ZNF385D: variants seen among roughly 807,000 people sequenced by gnomAD.
ZNF385D encodes the protein zinc finger protein 385D, also known as zinc finger protein 659.
In ZNF385D, 15 loss-of-function variants were observed where a neutral mutation model predicts 35.8. The observed-to-expected ratio is 0.42, with a 90% CI of 0.28 to 0.64. The LOEUF (loss-of-function observed/expected upper bound fraction) is 0.64. ZNF385D is among the 30% of genes least tolerant of loss of function. The pLI, the probability that ZNF385D is intolerant of heterozygous loss-of-function variation, is 0.23. For synonymous variants in ZNF385D, 212 were observed against 186.8 expected, an observed-to-expected ratio of 1.13 and a Z score of -1.10; for missense variants, 474 against 494.6, an observed-to-expected ratio of 0.96 and a Z score of 0.39.
At chr3:22,194,046 GTTTT>G (rs1478484157) in intron 2 of ZNF385D, among the ~76,000 whole-genome samples, 5 of 151,808 alleles carry the variant, frequency 3.3e-5, no homozygotes, top group African/African-American at 9.7e-5. Flanking sequence ...TTCTCTGTAT[GTTTT>G]ATTAGAATTT....
intron 1 of ZNF385D, among the ~76,000 whole-genome samples, chr3:21,676,552 C>A (rs2066735834): frequency 6.6e-6 from 1 of 152,074 alleles, no homozygotes; most frequent in Non-Finnish European, 1.5e-5. Context: ...AAGATCCACA[C>A]AACCATATTT....
At chr3:22,217,961 C>T (rs1228789971) in intron 2 of ZNF385D, among the ~76,000 whole-genome samples, 1 of 152,098 alleles carries the variant, frequency 6.6e-6, no homozygotes, top group Non-Finnish European at 1.5e-5. Context: ...ATTCACCGTC[C>T]TTTTATGGTT....
chr3:21,977,226 T>C (rs1043018302), intron 3 of ZNF385D, among the ~76,000 whole-genome samples: 1 of 152,182 alleles, frequency 6.6e-6, no homozygotes, highest in Admixed American at 6.5e-5. Flanking sequence ...TTTGACTTAA[T>C]GGTAGTCACA....
At chr3:22,041,336 C>A (rs1008829134) in intron 3 of ZNF385D, among the ~76,000 whole-genome samples, 1 of 151,962 alleles carries the variant, frequency 6.6e-6, no homozygotes, top group Non-Finnish European at 1.5e-5. Context: ...GATCCCATGC[C>A]CACCCCAGAG....
At chr3:21,865,991 GATTAT>G (rs1697329017) in intron 3 of ZNF385D, among the ~76,000 whole-genome samples, 1 of 151,588 alleles carries the variant, frequency 6.6e-6, no homozygotes, top group African/African-American at 2.4e-5. Context: ...GGAAATACTA[GATTAT>G]ATTATCATTT....
At chr3:22,092,273 A>G (rs968943634) in intron 3 of ZNF385D, among the ~76,000 whole-genome samples, 5 of 152,140 alleles carry the variant, frequency 3.3e-5, no homozygotes, top group Admixed American at 6.6e-5. Context: ...CTAAGGGGGA[A>G]ATTGAAGGAT....
At chr3:21,805,922 G>C (rs1431076220) in intron 3 of ZNF385D, among the ~76,000 whole-genome samples, 2 of 152,154 alleles carry the variant, frequency 1.3e-5, no homozygotes, top group Non-Finnish European at 2.9e-5. Context: ...CTACTTACCT[G>C]CAATAGACTA....
chr3:22,154,590 T>C (rs1234955217), intron 3 of ZNF385D, among the ~76,000 whole-genome samples: 2 of 152,184 alleles, frequency 1.3e-5, no homozygotes, highest in African/African-American at 4.8e-5. Context: ...CTAAATGAGG[T>C]ATGAGCCATA....
intron 3 of ZNF385D, among the ~76,000 whole-genome samples, chr3:21,789,250 C>T (rs17621887): frequency 0.072 from 10,878 of 152,134 alleles, 548 homozygotes; most frequent in South Asian, 0.12. Flanking sequence ...GTGTGGCATT[C>T]TAATTTAGAA....
chr3:21,923,989 G>C (rs1700602264), intron 3 of ZNF385D, among the ~76,000 whole-genome samples: 1 of 152,126 alleles, frequency 6.6e-6, no homozygotes, highest in Non-Finnish European at 1.5e-5. Flanking sequence ...AGTAAAATGT[G>C]AATGCTGAAA....
chr3:21,642,477 A>T (rs1353127292), intron 2 of ZNF385D, among the ~76,000 whole-genome samples: 1 of 152,018 alleles, frequency 6.6e-6, no homozygotes, highest in Non-Finnish European at 1.5e-5. Context: ...CTTTTAGGCA[A>T]TGTCCTTCCA....
intron 3 of ZNF385D, among the ~76,000 whole-genome samples, chr3:21,992,422 T>C (rs1435935574): frequency 6.6e-6 from 1 of 152,136 alleles, no homozygotes; most frequent in African/African-American, 2.4e-5. Context: ...TTCTGTGAGT[T>C]AGAAGCAAAA....
chr3:22,040,794 C>CTAGACTAGAATTTCAAATACAA (rs1698619335), intron 3 of ZNF385D, among the ~76,000 whole-genome samples: 1 of 152,004 alleles, frequency 6.6e-6, no homozygotes, highest in Non-Finnish European at 1.5e-5. Context: ...AATACATTGA[C>CTAGACTAGAATTTCAAATACAA]AGACTAGAAA....
intron 2 of ZNF385D, among the ~76,000 whole-genome samples, chr3:21,656,143 T>A (rs2066065511): frequency 6.6e-6 from 1 of 151,942 alleles, no homozygotes. Flanking sequence ...TGTAGGCCTA[T>A]ATACTTTCAC....
At chr3:22,151,116 T>A (rs756545687) in intron 3 of ZNF385D, among the ~76,000 whole-genome samples, 7 of 152,162 alleles carry the variant, frequency 4.6e-5, no homozygotes, top group Non-Finnish European at 7.4e-5. Flanking sequence ...TCTTCCCTTA[T>A]GCCATGGAGA....
intron 4 of ZNF385D, among the ~76,000 whole-genome samples, chr3:21,486,477 T>C (rs1476143899): frequency 6.6e-6 from 1 of 152,098 alleles, no homozygotes; most frequent in East Asian, 1.9e-4. Context: ...TTTCTCTGAA[T>C]AGGATGCCAT....
intron 3 of ZNF385D, among the ~76,000 whole-genome samples, chr3:22,143,017 T>TAA (rs112706471): frequency 3.0e-5 from 4 of 132,658 alleles, no homozygotes; most frequent in African/African-American, 1.3e-4. Context: ...ACAATAATAA[T>TAA]AAAAAAAAAA....
chr3:21,621,963 T>A (rs971069505), intron 2 of ZNF385D, among the ~76,000 whole-genome samples: 5 of 152,094 alleles, frequency 3.3e-5, no homozygotes, highest in Non-Finnish European at 7.4e-5. Flanking sequence ...TCTTCTGGAT[T>A]TTAACTTTTT....
In ZNF385D at chr3:22,349,373, G is replaced by C. The variant is rs1695812882; in HGVS notation, c.106+23077C>G. On this transcript the variant is annotated intron_variant, in intron 2 of 5. Coordinates refer to the ZNF385D transcript ENST00000494108. Reference sequence around the variant, plus strand: ...TAGGGGACTTGCGTAGGAAAAATGTGATTCAATGGAAAGACTGCTCAGTGT... The same window carrying C: ...TAGGGGACTTGCGTAGGAAAAATGTCATTCAATGGAAAGACTGCTCAGTGT... 3.3e-5 allele frequency among the ~76,000 whole-genome samples: 5 copies of C among 152,124 alleles called. No homozygotes were observed. In the South Asian group the frequency reaches 1.0e-3, roughly 31 times the overall value.
Sources: allele counts gnomAD v4.1 joint callset (sites outside exome capture counted in the v4.1 genomes callset), GRCh38; gene constraint gnomAD v4.1.1; transcripts MANE v1.5; gene names NCBI Gene and HGNC (gene_info 2026-07-23, HGNC 2026-07-21).